DYSF: variants seen among roughly 807,000 people sequenced by gnomAD.
DYSF encodes dystrophy-associated fer-1-like 1.
DYSF carries 212 observed loss-of-function variants against 274.9 expected under a neutral mutation model. The observed-to-expected ratio is 0.77, with a 90% confidence interval of 0.69 to 0.86. DYSF has a LOEUF of 0.86. DYSF is among the 40% of genes least tolerant of loss of function. The pLI, the probability that DYSF is intolerant of heterozygous loss-of-function variation, is 0.00. For synonymous variants in DYSF, 1,091 were observed against 1,078.7 expected, an observed-to-expected ratio of 1.01 and a Z score of -0.22; for missense variants, 2,666 against 2,783.2, an observed-to-expected ratio of 0.96 and a Z score of 0.95.
chr2:71,592,325 C>T (rs2093290684), intron 32 of DYSF, among the ~76,000 whole-genome samples: 1 of 152,144 alleles, frequency 6.6e-6, no homozygotes, highest in Non-Finnish European at 1.5e-5. Flanking sequence ...TCCATCCTGG[C>T]CCCACCCCCT....
At position 71,686,448 on chromosome 2, in the gene DYSF, C is replaced by A. The variant is rs769046027; in HGVS notation, c.6322-6C>A. On this transcript the variant is annotated splice_region_variant and splice_polypyrimidine_tract_variant and intron_variant, in intron 55 of 55. Coordinates refer to ENST00000410020, the MANE Select transcript of DYSF (RefSeq NM_001130987.2). ...CCATGGGTCCCTGTCTCCTCCCTCCCTCCAGAACTATGCTGCCATGAAGCT... is the reference window on the plus strand; with the variant it reads ...CCATGGGTCCCTGTCTCCTCCCTCCATCCAGAACTATGCTGCCATGAAGCT... 2 of 1,614,148 alleles carry A rather than the reference C, an allele frequency of 1.2e-6. No homozygotes were observed. The highest frequency in any genetic ancestry group is 8.5e-7 in the Non-Finnish European group (1 of 1,180,022).
Position 71,570,278 on chromosome 2 carries a change from G to A in DYSF, c.3029G>A (p.Trp1010Ter), listed in dbSNP as rs944548537. The change falls in exon 28 of 56, where the codon TGG (tryptophan) becomes TAG (stop). Residue 1010 changes from tryptophan (W) to a stop codon, truncating the protein, a stop_gained. Transcript: ENST00000410020. LOFTEE classifies it high-confidence loss of function. The part of the protein sequence containing the change: ...PKDDIECPLG[W>*]KWEDEEWSTD... Reference sequence around the variant, plus strand: ...GATGACATTGAGTGCCCACTGGGCTGGAAGTGGGAAGATGAGGAATGGTCC... The same window carrying A: ...GATGACATTGAGTGCCCACTGGGCTAGAAGTGGGAAGATGAGGAATGGTCC... 3 of 1,614,062 alleles carry A rather than the reference G, an allele frequency of 1.9e-6. No individual in the cohort carries two copies. Among genetic ancestry groups the A allele is most frequent in the Non-Finnish European group, 1.7e-6 (2 of 1,180,036 alleles).
At chr2:71,556,548 A>T (rs1473323250) in intron 22 of DYSF, among the ~76,000 whole-genome samples, 1 of 152,202 alleles carries the variant, frequency 6.6e-6, no homozygotes, top group African/African-American at 2.4e-5. Flanking sequence ...CTCTGCTGCC[A>T]TGTGGTTTTG....
chr2:71,620,647 C>T (rs1360083115), intron 41 of DYSF, 38 bp downstream of exon 41: 1 of 1,544,012 alleles, frequency 6.5e-7, no homozygotes, highest in South Asian at 1.2e-5. Context: ...TCCTTGTATT[C>T]CCTTGTGGGG....
At chr2:71,610,316 C>A (rs1268679956) in intron 36 of DYSF, among the ~76,000 whole-genome samples, 1 of 152,170 alleles carries the variant, frequency 6.6e-6, no homozygotes, top group African/African-American at 2.4e-5. Flanking sequence ...CAACCCTCAC[C>A]CTAACCTTTA....
chr2:71,616,790 GC>G (rs1361480129), intron 40 of DYSF, among the ~76,000 whole-genome samples: 1 of 152,108 alleles, frequency 6.6e-6, no homozygotes, highest in African/African-American at 2.4e-5. Context: ...CAATTTGAAT[GC>G]ACTGCACCCA....
At chr2:71,620,026 G>A (rs1402275787) in intron 40 of DYSF, among the ~76,000 whole-genome samples, 1 of 152,234 alleles carries the variant, frequency 6.6e-6, no homozygotes, top group Non-Finnish European at 1.5e-5. Flanking sequence ...ACTGATGTCA[G>A]GTTTTGGGGA....
intron 1 of DYSF, among the ~76,000 whole-genome samples, chr2:71,478,134 A>G (rs745327483): frequency 6.6e-6 from 1 of 151,306 alleles, no homozygotes; most frequent in Non-Finnish European, 1.5e-5. Flanking sequence ...TTATTTTTAA[A>G]TGCTTCAGTT....
intron 12 of DYSF, among the ~76,000 whole-genome samples, chr2:71,523,440 T>G (rs1163209578): frequency 2.6e-5 from 4 of 152,154 alleles, no homozygotes; most frequent in African/African-American, 9.7e-5. Flanking sequence ...AGACTGGATT[T>G]GGGGGAACAA....
At chr2:71,546,802 G>A (rs1020647119) in intron 17 of DYSF, among the ~76,000 whole-genome samples, 3 of 152,256 alleles carry the variant, frequency 2.0e-5, no homozygotes, top group Admixed American at 1.3e-4. Flanking sequence ...TGGCGCAAGC[G>A]AGAGTCAGGC....
intron 13 of DYSF, among the ~76,000 whole-genome samples, chr2:71,527,145 G>A (rs2088023292): frequency 6.6e-6 from 1 of 152,112 alleles, no homozygotes; most frequent in South Asian, 2.1e-4. Context: ...GTTTTAGATT[G>A]ACTCGAGTTA....
chr2:71,682,736 C>T lies in DYSF; in HGVS notation c.6321+59C>T, dbSNP rs189678846. 1.9e-6 allele frequency: 3 copies of T among 1,570,886 alleles called. No homozygotes were observed. The East Asian group carries it at 7.1e-5, about 37-fold the overall frequency. On this transcript the variant is annotated intron_variant, in intron 55 of 55. Transcript: ENST00000410020. ...CTCTGGGTCTAATGGGGGAGTTCAT[C>T]ATTGTCCTCAAAGAGCTCTCCCAGT...
At chr2:71,623,328 C>A (rs2094144971) in intron 41 of DYSF, among the ~76,000 whole-genome samples, 1 of 114,010 alleles carries the variant, frequency 8.8e-6, no homozygotes, top group Admixed American at 1.1e-4. Flanking sequence ...CTCCCCCCTC[C>A]CCCCACCCCA....
rs764403061 is a variant in DYSF at position 71,561,930 on chromosome 2, G to A, written c.2395G>A (p.Ala799Thr). The A allele has an allele frequency of 6.2e-7, 1 of 1,613,958 alleles. No homozygotes were observed. Among genetic ancestry groups the A allele is most frequent in the Non-Finnish European group, 8.5e-7 (1 of 1,179,938 alleles). Residue 799 changes from alanine (A) to threonine (T), a missense_variant, in exon 23 of 56, where the codon GCC (alanine) becomes ACC (threonine). By Grantham distance (58) the Ala-to-Thr change is moderately conservative (BLOSUM62 0). Coordinates refer to ENST00000410020, the MANE Select transcript of DYSF (RefSeq NM_001130987.2). ...QAEDWLLRLR[A>T]LAEEPQNSLP... ...GGAGGACTGGCTCCTGCGTCTGCGT[G>A]CCCTGGCAGAGGAGGTAATTAAGCC... is the stretch of plus-strand genomic sequence containing the variant.
rs1437125073 is a variant in DYSF, at chr2:71,626,298, C to A, written c.4527+5689C>A. Among the ~76,000 whole-genome samples, 3 of 120,062 alleles carry A rather than the reference C, an allele frequency of 2.5e-5. No individual in the cohort carries two copies. The East Asian group carries it at 7.4e-4, about 30-fold the overall frequency. 78.8% of individuals were successfully genotyped at this position (120,062 alleles called of 152,430 possible). On this transcript the variant is annotated intron_variant, in intron 41 of 55. Transcript: ENST00000410020. The stretch of plus-strand genomic sequence containing the variant: ...AACCTAGTTACCTGTTAGAATCTTA[C>A]TAGTTAGCTGTTTTTTTTCATGAAT...
intron 3 of DYSF, among the ~76,000 whole-genome samples, chr2:71,495,785 C>G (rs989804094): frequency 6.6e-6 from 1 of 152,080 alleles, no homozygotes; most frequent in Non-Finnish European, 1.5e-5. Context: ...GGGGAAGGCC[C>G]GGAGTCACTG....
At chr2:71,466,508 C>T (rs1322548162), upstream of DYSF, among the ~76,000 whole-genome samples, 1 of 152,178 alleles carries the variant, frequency 6.6e-6, no homozygotes, top group Non-Finnish European at 1.5e-5. Context: ...GCGCCCGCGT[C>T]AGCGGCGCCT....
intron 13 of DYSF, 109 bp downstream of exon 13, chr2:71,526,455 G>C: frequency 6.9e-7 from 1 of 1,454,294 alleles, no homozygotes; most frequent in Non-Finnish European, 9.2e-7. Context: ...AAGGAGAGGC[G>C]TCTAGGAAAA....
intron 45 of DYSF, 36 bp from the exon 46 acceptor site, chr2:71,664,232 G>A (rs1160358975): frequency 6.2e-7 from 1 of 1,613,360 alleles, no homozygotes; most frequent in Non-Finnish European, 8.5e-7. Context: ...TGGGTGCCCC[G>A]TGTTGGCTGA....
Sources: gnomAD v4.1 joint callset for allele counts (sites outside exome capture counted in the v4.1 genomes callset) on GRCh38, gnomAD v4.1.1 for gene constraint, MANE v1.5 for transcripts, NCBI Gene and HGNC (gene_info 2026-07-23, HGNC 2026-07-21) for gene names.